The following STK3 variants were observed in gnomAD, a reference collection of about 807,000 sequenced individuals.
The protein encoded by STK3 is serine/threonine-protein kinase 3.
A neutral mutation model predicts 58.0 loss-of-function variants in STK3; 41 were observed. The ratio of observed to expected loss-of-function variants is 0.71; its 90% CI spans 0.55 to 0.92. The LOEUF (loss-of-function observed/expected upper bound fraction) is 0.92. STK3 is among the 40% of genes least tolerant of loss of function. STK3 has a pLI of 0.00. For missense variants in STK3, 479 were observed against 602.7 expected (o/e 0.79, Z 2.15); for synonymous variants, 170 against 191.0 (o/e 0.89, Z 0.91).
At chr8:98,747,985 T>G (rs903839693) in intron 4 of STK3, among the ~76,000 whole-genome samples, 1 of 152,334 alleles carries the variant, frequency 6.6e-6, no homozygotes, top group Non-Finnish European at 1.5e-5. Flanking sequence ...TACCTATCTT[T>G]AAGAACTATA....
Position 98,862,427 on chromosome 8 carries a change from G to A in STK3, c.110+21220C>T, listed in dbSNP as rs1022924294. Among the ~76,000 whole-genome samples the A allele has an allele frequency of 5.9e-5, 9 of 152,306 alleles. No individual in the cohort carries two copies. The East Asian group carries it at 9.6e-4, about 16-fold the overall frequency. ...CAAGTTAAGCTCAAATCAATGCACA[G>A]TATATCCAACACGGGAAAACATTTT... On this transcript the variant is annotated intron_variant, in intron 3 of 12. Coordinates refer to the STK3 transcript ENST00000523601.
intron 8 of STK3, among the ~76,000 whole-genome samples, chr8:98,570,939 C>T (rs1312247833): frequency 2.6e-5 from 4 of 152,154 alleles, no homozygotes; most frequent in African/African-American, 7.2e-5. Context: ...ATAATGCAAC[C>T]TCCCTTTTAC....
At chr8:98,616,363 A>C (rs1397376552) in intron 6 of STK3, among the ~76,000 whole-genome samples, 17 of 145,154 alleles carry the variant, frequency 1.2e-4, no homozygotes, top group African/African-American at 4.4e-4. Context: ...AATCATGCCA[A>C]AATGTAAAGA....
At chr8:98,479,209 CG>C (rs1821625151) in intron 10 of STK3, among the ~76,000 whole-genome samples, 1 of 152,014 alleles carries the variant, frequency 6.6e-6, no homozygotes, top group African/African-American at 2.4e-5. Context: ...AAGAAGCGGC[CG>C]GGTGCGGTGG....
At position 98,738,654 on chromosome 8, in the gene STK3, G is replaced by A. The variant is rs575104534; in HGVS notation, c.351+10622C>T. ...ACAGCTCTGGTCTACAGCTCCCAGC[G>A]TGAGCGACGCAGAAGACGGGTGATT... On this transcript the variant is annotated intron_variant, in intron 4 of 10. Transcript: ENST00000419617. Among the ~76,000 whole-genome samples the A allele has an allele frequency of 6.7e-4, 102 of 152,306 alleles. 1 individual carries two copies. In the South Asian group the frequency reaches 0.015, roughly 23 times the overall value.
chr8:98,345,586 TAGA>T, the STK3 span, among the ~76,000 whole-genome samples: 3 of 151,882 alleles, frequency 2.0e-5, no homozygotes, highest in African/African-American at 7.3e-5. Flanking sequence ...CTGAAAATAT[TAGA>T]GGGAACAGTA....
intron 1 of STK3, among the ~76,000 whole-genome samples, chr8:98,796,862 A>G (rs1833206070): frequency 6.6e-6 from 1 of 152,244 alleles, no homozygotes; most frequent in Admixed American, 6.5e-5. Context: ...AATGCTCAAC[A>G]TGACTAATCA....
At chr8:98,464,224 T>C (rs998262955) in intron 10 of STK3, among the ~76,000 whole-genome samples, 3 of 152,182 alleles carry the variant, frequency 2.0e-5, no homozygotes, top group African/African-American at 7.2e-5. Flanking sequence ...GAATTGCCTA[T>C]AGCATTTTTA....
intron 3 of STK3, among the ~76,000 whole-genome samples, chr8:98,860,959 C>G (rs1220284577): frequency 6.6e-6 from 1 of 152,042 alleles, no homozygotes; most frequent in South Asian, 2.1e-4. Context: ...ACTGGGGAGG[C>G]TGAGTTGGGA....
chr8:98,403,603 T>C (rs887693344), intron 3 of STK3, among the ~76,000 whole-genome samples: 20 of 151,300 alleles, frequency 1.3e-4, no homozygotes, highest in African/African-American at 4.3e-4. Flanking sequence ...CCACCAGTCA[T>C]TGTTTGAGGG....
intron 4 of STK3, among the ~76,000 whole-genome samples, chr8:98,710,054 TG>T (rs943727928): frequency 6.6e-6 from 1 of 151,936 alleles, no homozygotes; most frequent in African/African-American, 2.4e-5. Flanking sequence ...GCATCCAAAC[TG>T]GAAAAAAAGA....
intron 6 of STK3, among the ~76,000 whole-genome samples, chr8:98,690,562 G>C (rs1237905524): frequency 6.6e-6 from 1 of 151,630 alleles, no homozygotes; most frequent in African/African-American, 2.4e-5. Context: ...CAAACAAATA[G>C]AAGAGCATTC....
chr8:98,858,335 G>T (rs1163697844), intron 3 of STK3, among the ~76,000 whole-genome samples: 18 of 124,888 alleles, frequency 1.4e-4, no homozygotes, highest in South Asian at 2.9e-4. Flanking sequence ...GAGAGAGAGA[G>T]AGAGAGAGAG....
At chr8:98,369,737 C>A (rs1437288314), downstream of STK3, among the ~76,000 whole-genome samples, 2 of 152,274 alleles carry the variant, frequency 1.3e-5, no homozygotes, top group Middle Eastern at 3.4e-3. Context: ...TCCATGGAGA[C>A]GGGAAGTACC....
intron 3 of STK3, among the ~76,000 whole-genome samples, chr8:98,839,799 T>G (rs1835894096): frequency 6.6e-6 from 1 of 152,154 alleles, no homozygotes; most frequent in Admixed American, 6.5e-5. Flanking sequence ...AAGTCAAAGA[T>G]ATTAGGAAAG....
intron 1 of STK3, among the ~76,000 whole-genome samples, chr8:98,802,720 T>C (rs1158747462): frequency 6.6e-6 from 1 of 152,180 alleles, no homozygotes; most frequent in African/African-American, 2.4e-5. Flanking sequence ...AAACATAAAA[T>C]ATTAATTAGT....
intron 3 of STK3, among the ~76,000 whole-genome samples, chr8:98,860,874 G>T (rs1472104147): frequency 6.6e-6 from 1 of 152,012 alleles, no homozygotes; most frequent in Non-Finnish European, 1.5e-5. Context: ...GAGCAACATG[G>T]TGAAACCCCA....
intron 6 of STK3, among the ~76,000 whole-genome samples, chr8:98,650,659 C>A (rs1156691300): frequency 6.6e-6 from 1 of 152,244 alleles, no homozygotes; most frequent in Non-Finnish European, 1.5e-5. Context: ...TTCCGACGGG[C>A]TTAAAAAACA....
intron 3 of STK3, among the ~76,000 whole-genome samples, chr8:98,763,558 T>C: frequency 6.6e-6 from 1 of 152,244 alleles, no homozygotes; most frequent in South Asian, 2.1e-4. Flanking sequence ...CAATTCATAC[T>C]GTTTTCTTCC....
Sources: gnomAD v4.1 joint callset for allele counts (sites outside exome capture counted in the v4.1 genomes callset) on GRCh38, gnomAD v4.1.1 for gene constraint, MANE v1.5 for transcripts, NCBI Gene and HGNC (gene_info 2026-07-23, HGNC 2026-07-21) for gene names.